The following CCDC171 variants were observed in gnomAD, a reference collection of about 807,000 sequenced individuals.
CCDC171 encodes the protein coiled-coil domain-containing protein 171.
A neutral mutation model predicts 168.2 loss-of-function variants in CCDC171; 177 were observed. The observed-to-expected ratio is 1.05, with a 90% confidence interval of 0.93 to 1.19. CCDC171 has a LOEUF of 1.19. CCDC171 is among the 50% of genes most tolerant of loss of function. The pLI, the probability that CCDC171 is intolerant of heterozygous loss-of-function variation, is 0.00. For synonymous variants in CCDC171, 687 were observed against 540.8 expected (o/e 1.27, Z -3.75); for missense variants, 1,991 against 1,539.0 (o/e 1.29, Z -4.91).
chr9:15,581,610 C>A (rs938957397), intron 4 of CCDC171, among the ~76,000 whole-genome samples: 10 of 152,156 alleles, frequency 6.6e-5, no homozygotes, highest in South Asian at 4.1e-4. Context: ...AGAACAGAGC[C>A]CTCAGAAATA....
At chr9:16,056,064 A>G (rs745509830) in intron 1 of CCDC171, among the ~76,000 whole-genome samples, 2 of 152,256 alleles carry the variant, frequency 1.3e-5, no homozygotes, top group Non-Finnish European at 1.5e-5. Context: ...TGCATATTCA[A>G]CAGATCACAA....
chr9:16,014,498 C>T (rs1319889414), intron 3 of CCDC171, among the ~76,000 whole-genome samples: 1 of 152,174 alleles, frequency 6.6e-6, no homozygotes, highest in African/African-American at 2.4e-5. Context: ...ATGACATCTA[C>T]AATGGTGAAT....
chr9:15,789,883 A>C (rs930418878), intron 21 of CCDC171, among the ~76,000 whole-genome samples: 3 of 151,808 alleles, frequency 2.0e-5, no homozygotes, highest in Non-Finnish European at 4.4e-5. Context: ...TAGTTTGCTG[A>C]GAATGATGGT....
At chr9:15,554,465 T>A (rs945376598) in intron 1 of CCDC171, among the ~76,000 whole-genome samples, 1 of 152,174 alleles carries the variant, frequency 6.6e-6, no homozygotes, top group Non-Finnish European at 1.5e-5. Context: ...AGTCTTAGTT[T>A]GTAGCTTTCT....
At chr9:16,073,201 A>C in the CCDC171 span, among the ~76,000 whole-genome samples, 1 of 152,348 alleles carries the variant, frequency 6.6e-6, no homozygotes, top group South Asian at 2.1e-4. Flanking sequence ...AGTAGGACCA[A>C]GGTTGCTGCC....
intron 6 of CCDC171, among the ~76,000 whole-genome samples, chr9:15,603,551 A>C (rs1425145569): frequency 3.9e-5 from 6 of 152,160 alleles, no homozygotes; most frequent in African/African-American, 1.4e-4. Flanking sequence ...AATGGCTTCC[A>C]GCTCTATCCA....
At chr9:15,721,126 A>G (rs886643016) in intron 11 of CCDC171, among the ~76,000 whole-genome samples, 1 of 152,192 alleles carries the variant, frequency 6.6e-6, no homozygotes. Flanking sequence ...TATTTTTACC[A>G]TGAGTATCAG....
rs369118555 is a variant in CCDC171, at chr9:15,796,828, A to G, written c.3267+12134A>G. On this transcript the variant is annotated intron_variant, in intron 21 of 25. Transcript: ENST00000380701. ...ATCAGACCTGGCAAGTACAGCCTAC[A>G]GCCTACAGGAGAGCCTACAGATTCC... 2.6e-5 allele frequency among the ~76,000 whole-genome samples: 4 copies of G among 152,206 alleles called. No homozygotes were observed. In the East Asian group the frequency reaches 7.7e-4, roughly 29 times the overall value.
At chr9:16,106,940 C>G in the CCDC171 span, among the ~76,000 whole-genome samples, 33 of 152,126 alleles carry the variant, frequency 2.2e-4, no homozygotes, top group Non-Finnish European at 5.9e-5. Flanking sequence ...CCTGCAAAAC[C>G]GGGGGACCCA....
At chr9:15,863,428 A>G (rs2061644239) in intron 23 of CCDC171, among the ~76,000 whole-genome samples, 2 of 151,802 alleles carry the variant, frequency 1.3e-5, no homozygotes, top group South Asian at 4.2e-4. Context: ...TTCCTATTCC[A>G]CCATCTGGCT....
At chr9:15,748,037 G>A (rs1007835640) in intron 18 of CCDC171, among the ~76,000 whole-genome samples, 1 of 152,166 alleles carries the variant, frequency 6.6e-6, no homozygotes, top group Non-Finnish European at 1.5e-5. Context: ...AGAATAACCA[G>A]TGTAGAGAAG....
At chr9:15,687,848 G>A (rs2382532) in intron 10 of CCDC171, among the ~76,000 whole-genome samples, 59,438 of 152,012 alleles carry the variant, frequency 0.39, 13,270 homozygotes, top group East Asian at 0.76. Flanking sequence ...TCCGTTGGGC[G>A]CAGTGGCTCG....
intron 11 of CCDC171, among the ~76,000 whole-genome samples, chr9:15,702,188 T>G (rs2051804677): frequency 6.6e-6 from 1 of 152,120 alleles, no homozygotes; most frequent in Non-Finnish European, 1.5e-5. Context: ...AAATATTCAG[T>G]TAAACATTCT....
intron 18 of CCDC171, among the ~76,000 whole-genome samples, chr9:15,767,889 C>G (rs1337082174): frequency 7.6e-6 from 1 of 131,992 alleles, no homozygotes; most frequent in African/African-American, 3.0e-5. Context: ...CTTTTCTTAG[C>G]CATTAAAAAA....
chr9:15,862,761 T>A (rs1386598528), intron 23 of CCDC171, among the ~76,000 whole-genome samples: 1 of 152,038 alleles, frequency 6.6e-6, no homozygotes, highest in Non-Finnish European at 1.5e-5. Context: ...CAAACTGTCA[T>A]CTTCTTAAAG....
intron 3 of CCDC171, among the ~76,000 whole-genome samples, chr9:15,999,542 T>A (rs1832478901): frequency 1.3e-5 from 2 of 152,182 alleles, no homozygotes. Flanking sequence ...GAAGCAGTCC[T>A]TGTCTTCATC....
intron 24 of CCDC171, chr9:15,886,034 A>G (rs899055844): frequency 2.0e-5 from 3 of 152,166 alleles, no homozygotes; most frequent in African/African-American, 7.2e-5. Context: ...GGAATTATCA[A>G]AATCACAGTT....
chr9:15,713,281 C>T (rs1256415473), intron 11 of CCDC171, among the ~76,000 whole-genome samples: 2 of 150,944 alleles, frequency 1.3e-5, no homozygotes, highest in African/African-American at 2.4e-5. Context: ...AATCATGTCA[C>T]CATAACATAC....
Position 15,723,560 on chromosome 9 carries a change from G to A in CCDC171, c.1426-121G>A, listed in dbSNP as rs2053620370. 11 of 659,966 alleles carry A rather than the reference G, an allele frequency of 1.7e-5. No homozygotes were observed. In the South Asian group the frequency reaches 1.9e-4, roughly 11 times the overall value. The allele number at this position is 659,966 out of a possible 1,614,324, so 40.9% of individuals were successfully genotyped here. A position where few individuals can be genotyped will look rare whatever the true frequency, so the allele number is the denominator to read the frequency against. On this transcript the variant is annotated intron_variant, in intron 12 of 25. Transcript: ENST00000380701. ...ACTCTTAATTACTATTGAAAAATTT[G>A]TATTTAAGTAATTGCATAAAAAGCA...
Sources: gnomAD v4.1 joint callset for allele counts (sites outside exome capture counted in the v4.1 genomes callset) on GRCh38, gnomAD v4.1.1 for gene constraint, MANE v1.5 for transcripts, NCBI Gene and HGNC (gene_info 2026-07-23, HGNC 2026-07-21) for gene names.